ATF2: variants seen among roughly 807,000 people sequenced by gnomAD.
ATF2 encodes the protein activating transcription factor 2.
Under a neutral mutation model 60.6 loss-of-function variants are expected in ATF2, and 24 were observed. The ratio of observed to expected loss-of-function variants is 0.40; its 90% CI spans 0.29 to 0.56. ATF2 has a LOEUF of 0.56. Among genes scored for constraint, ATF2 ranks in the 20% least tolerant of loss-of-function variants. The pLI, the probability that ATF2 is intolerant of heterozygous loss-of-function variation, is 0.54. For synonymous variants in ATF2, 206 were observed against 215.4 expected, an observed-to-expected ratio of 0.96 and a Z score of 0.38; for missense variants, 433 against 607.7, an observed-to-expected ratio of 0.71 and a Z score of 3.02.
At chr2:175,147,436 T>G (rs145036398) in intron 2 of ATF2, among the ~76,000 whole-genome samples, 94 of 152,342 alleles carry the variant, frequency 6.2e-4, no homozygotes, top group African/African-American at 2.1e-3. Flanking sequence ...AATATGAATT[T>G]GATCTTCTAT....
intron 10 of ATF2, among the ~76,000 whole-genome samples, chr2:175,108,709 A>T (rs1017918255): frequency 6.6e-6 from 1 of 152,206 alleles, no homozygotes; most frequent in Non-Finnish European, 1.5e-5. Flanking sequence ...GGCCATGATG[A>T]CGATGGCGGT....
In ATF2 at chr2:175,072,629, G is replaced by A. The variant is rs1360450151; in HGVS notation, c.*1980C>T. 1 of 152,100 alleles carries A rather than the reference G, an allele frequency of 6.6e-6. No individual in the cohort carries two copies. The highest frequency in any genetic ancestry group is 1.5e-5 in the Non-Finnish European group (1 of 67,992). The allele number at this position is 152,100 out of a possible 1,614,324, so 9.4% of individuals were successfully genotyped here. A position where few individuals can be genotyped will look rare whatever the true frequency, so the allele number is the denominator to read the frequency against. On this transcript the variant is annotated 3_prime_UTR_variant, in exon 14 of 14. Coordinates refer to ENST00000264110, the MANE Select transcript of ATF2 (RefSeq NM_001880.4). ...CTGAAGGACTTAAGAGTGAAAAATTGAGGCTTTTCCTAACCCATTCAAACT... is the reference window on the plus strand; with the variant it reads ...CTGAAGGACTTAAGAGTGAAAAATTAAGGCTTTTCCTAACCCATTCAAACT...
intron 9 of ATF2, among the ~76,000 whole-genome samples, chr2:175,112,158 T>C (rs1461790737): frequency 1.3e-5 from 2 of 152,212 alleles, no homozygotes; most frequent in African/African-American, 4.8e-5. Context: ...TTTTTTCCTT[T>C]TTTTTCTTAA....
chr2:175,132,880 G>T (rs542503549), intron 3 of ATF2: 1 of 152,366 alleles, frequency 6.6e-6, no homozygotes, highest in African/African-American at 2.4e-5. Flanking sequence ...AAGGTCAGAA[G>T]TTCGAGACAA....
intron 2 of ATF2, among the ~76,000 whole-genome samples, chr2:175,143,040 CAGA>C (rs1698703020): frequency 6.6e-6 from 1 of 152,102 alleles, no homozygotes. Context: ...CATTGGCGTT[CAGA>C]AGGAGATCAC....
chr2:175,146,081 A>AT (rs1698925397), intron 2 of ATF2, among the ~76,000 whole-genome samples: 1 of 152,210 alleles, frequency 6.6e-6, no homozygotes, highest in African/African-American at 2.4e-5. Flanking sequence ...TGCCACTGAT[A>AT]GAATGTAATA....
rs1445894950 is a variant in ATF2 at position 175,153,722 on chromosome 2, T to TG, written c.-142-2565dup. On this transcript the variant is annotated intron_variant, in intron 1 of 13. Transcript: ENST00000264110. The stretch of plus-strand genomic sequence containing the variant: ...GCGGATGCCTGTAGTCCCAGCTACT[T>TG]GGGAGGCTGAGGCAGAGGAGAATCG... Among the ~76,000 whole-genome samples, 3 of 150,084 alleles carry TG rather than the reference T, an allele frequency of 2.0e-5. No individual in the cohort carries two copies. The East Asian group carries it at 6.0e-4, about 30-fold the overall frequency.
chr2:175,103,178 T>C (rs1222103447), intron 10 of ATF2, among the ~76,000 whole-genome samples: 1 of 152,180 alleles, frequency 6.6e-6, no homozygotes, highest in Non-Finnish European at 1.5e-5. Flanking sequence ...GATAATGTTC[T>C]CTAGAAACAA....
At chr2:175,161,515 CAAGAT>C (rs1388289377) in intron 1 of ATF2, among the ~76,000 whole-genome samples, 2 of 152,142 alleles carry the variant, frequency 1.3e-5, no homozygotes, top group African/African-American at 4.8e-5. Context: ...ATAATTTACT[CAAGAT>C]AACACAGTAA....
chr2:175,118,795 T>C (rs116618265), intron 5 of ATF2, among the ~76,000 whole-genome samples: 23 of 151,854 alleles, frequency 1.5e-4, no homozygotes, highest in Non-Finnish European at 2.8e-4. Context: ...GTTCTTCCAC[T>C]AGCTGTTCAT....
chr2:175,103,142 T>C (rs1445372888), intron 10 of ATF2, among the ~76,000 whole-genome samples: 2 of 152,190 alleles, frequency 1.3e-5, no homozygotes, highest in African/African-American at 4.8e-5. Flanking sequence ...AGGAACAAAG[T>C]ACTCCATCAC....
chr2:175,108,514 G>C (rs13395740), intron 10 of ATF2, among the ~76,000 whole-genome samples: 9,867 of 149,158 alleles, frequency 0.066, 337 homozygotes, highest in East Asian at 0.11. Flanking sequence ...GGAGGTGGGG[G>C]GTCAGCCCCC....
At chr2:175,137,903 C>G (rs1481394684) in intron 2 of ATF2, among the ~76,000 whole-genome samples, 1 of 152,106 alleles carries the variant, frequency 6.6e-6, no homozygotes, top group Non-Finnish European at 1.5e-5. Flanking sequence ...GAAACGATAA[C>G]AATTCTGGGA....
Position 175,164,096 on chromosome 2 carries a change from G to C in ATF2, c.-143+3954C>G, listed in dbSNP as rs192887240. On this transcript the variant is annotated intron_variant, in intron 1 of 13. Coordinates refer to ENST00000264110, the MANE Select transcript of ATF2 (RefSeq NM_001880.4). ...GGCCCGGGTGCAGTGGCTCATGCCT[G>C]TAATGCCTTAAAAGTGAAAATGAAT... Among the ~76,000 whole-genome samples the C allele has an allele frequency of 5.0e-3, 752 of 149,312 alleles. 5 individuals are homozygous for C. Among genetic ancestry groups the C allele is most frequent in the African/African-American group, 0.017 (690 of 40,952 alleles).
At chr2:175,149,541 G>A (rs1448012673) in intron 2 of ATF2, among the ~76,000 whole-genome samples, 3 of 151,958 alleles carry the variant, frequency 2.0e-5, no homozygotes, top group African/African-American at 4.8e-5. Context: ...AAAAATAAGA[G>A]GTAAATCTAA....
At chr2:175,117,342 T>C (rs1696649634) in intron 7 of ATF2, among the ~76,000 whole-genome samples, 1 of 152,034 alleles carries the variant, frequency 6.6e-6, no homozygotes, top group African/African-American at 2.4e-5. Flanking sequence ...ATAAGTATGG[T>C]TTTAGAATAA....
chr2:175,156,377 C>CAAAAAAA (rs57399474), intron 1 of ATF2, among the ~76,000 whole-genome samples: 2 of 56,020 alleles, frequency 3.6e-5, no homozygotes, highest in Non-Finnish European at 7.3e-5. Context: ...TCTCAAAAAA[C>CAAAAAAA]AAAAAAAAAA....
chr2:175,094,403 G>GAAAAAAAAAAAAAAA lies in ATF2; in HGVS notation c.979-1151_979-1137dup, dbSNP rs61440218. Among the ~76,000 whole-genome samples, 605 of 61,134 alleles carry GAAAAAAAAAAAAAAA rather than the reference G, an allele frequency of 9.9e-3. 3 individuals carry two copies. The highest frequency in any genetic ancestry group is 0.014 in the Non-Finnish European group (399 of 29,092). 40.1% of individuals were successfully genotyped at this position (61,134 alleles called of 152,430 possible). Reference sequence around the variant, plus strand: ...AGCGAGACTCAGTCTCAAAAAATACGAAAAAAAAAAAAAAAAAAAAAAAAA... The same window carrying GAAAAAAAAAAAAAAA: ...AGCGAGACTCAGTCTCAAAAAATACGAAAAAAAAAAAAAAAAAAAAAAAAAAAAAAAAAAAAAAAA... On this transcript the variant is annotated intron_variant, in intron 11 of 13. Coordinates refer to ENST00000264110, the MANE Select transcript of ATF2 (RefSeq NM_001880.4).
At chr2:175,154,436 C>G (rs1028488957) in intron 1 of ATF2, among the ~76,000 whole-genome samples, 3 of 151,582 alleles carry the variant, frequency 2.0e-5, no homozygotes, top group African/African-American at 7.3e-5. Flanking sequence ...TTGAAGAATA[C>G]CTCCTGAAGG....
Sources: gnomAD v4.1 joint callset for allele counts (sites outside exome capture counted in the v4.1 genomes callset) on GRCh38, gnomAD v4.1.1 for gene constraint, MANE v1.5 for transcripts, NCBI Gene and HGNC (gene_info 2026-07-23, HGNC 2026-07-21) for gene names.